The following GPI variants were observed in gnomAD, a reference collection of about 807,000 sequenced individuals.
GPI encodes D-hexose-6-phosphate anomerase.
Under a neutral mutation model 75.8 loss-of-function variants are expected in GPI, and 56 were observed. That is an observed-to-expected ratio of 0.74 (90% CI 0.60 to 0.92). The LOEUF (loss-of-function observed/expected upper bound fraction) is 0.92. Ranked by LOEUF, GPI falls within the 40% of genes least tolerant of loss-of-function variation. The pLI, the probability that GPI is intolerant of heterozygous loss-of-function variation, is 0.00. For missense variants in GPI, 638 were observed against 741.0 expected (o/e 0.86, Z 1.61); for synonymous variants, 288 against 285.4 (o/e 1.01, Z -0.09).
At chr19:34,378,337 C>T (rs1021186562) in intron 6 of GPI, among the ~76,000 whole-genome samples, 6 of 152,072 alleles carry the variant, frequency 3.9e-5, no homozygotes, top group Non-Finnish European at 7.4e-5. Flanking sequence ...TGGGACTAGG[C>T]ACACACCACC....
chr19:34,363,597 G>C (rs1006944542), upstream of GPI, among the ~76,000 whole-genome samples: 4 of 152,158 alleles, frequency 2.6e-5, no homozygotes, highest in African/African-American at 7.2e-5. Context: ...TGAGGCAGGC[G>C]GATAATGAGG....
At chr19:34,395,973 T>C (rs1352308063) in intron 12 of GPI, among the ~76,000 whole-genome samples, 1 of 151,170 alleles carries the variant, frequency 6.6e-6, no homozygotes, top group African/African-American at 2.4e-5. Flanking sequence ...AGTTTTGCTC[T>C]TGTTGCCCAG....
rs8191426 is a variant in GPI, at chr19:34,399,452, C to T, written c.1399-104C>T. 4,551 of 1,560,238 alleles carry T rather than the reference C, an allele frequency of 2.9e-3. 110 individuals carry two copies. In the African/African-American group the frequency reaches 0.054, roughly 19 times the overall value. On this transcript the variant is annotated intron_variant, in intron 15 of 17. Transcript: ENST00000356487. ...TGTCCTACAGAATGGGAGGGCCTGT[C>T]CTCACAGACCTGCACGTCTCAGCCT...
At position 34,399,926 on chromosome 19, in the gene GPI, A is replaced by G. The variant is rs143921190; in HGVS notation, c.1567A>G (p.Lys523Glu). 1 of 1,613,966 alleles carries G rather than the reference A, an allele frequency of 6.2e-7. No homozygotes were observed. The highest frequency in any genetic ancestry group is 8.5e-7 in the Non-Finnish European group (1 of 1,179,972). ...AGTGGAGCTGGGAAAGCAGCTGGCT[A>G]AGAAAATAGAGCCTGAGCTTGATGG... The part of the protein sequence containing the change: ...WGVELGKQLA[K>E]KIEPELDGSA... Residue 523 changes from lysine to glutamate, a missense_variant, in exon 18 of 18, where the codon AAG (lysine) becomes GAG (glutamate). Coordinates refer to ENST00000356487, the MANE Select transcript of GPI (RefSeq NM_000175.5).
rs1175441445 is a variant in GPI, at chr19:34,400,688, ACGC to A, written c.*653_*655del. 2.5e-6 allele frequency: 1 copy of A among 402,720 alleles called. No homozygotes were observed. The highest frequency in any genetic ancestry group is 3.5e-5 in the East Asian group (1 of 28,170). The allele number at this position is 402,720 out of a possible 1,614,324, so 24.9% of individuals were successfully genotyped here. ...AGGATGACTGCCATCTCCTGGCAAG[ACGC>A]TCAGGTAGTTCTTTTGCTTTAAAAG... On this transcript the variant is annotated 3_prime_UTR_variant, in exon 18 of 18. Coordinates refer to ENST00000356487, the MANE Select transcript of GPI (RefSeq NM_000175.5).
intron 9 of GPI, among the ~76,000 whole-genome samples, chr19:34,383,727 G>A (rs893344695): frequency 2.7e-4 from 41 of 152,200 alleles, no homozygotes; most frequent in African/African-American, 8.0e-4. Context: ...AGGCAGGCAG[G>A]TGGCATGAGG....
intron 8 of GPI, 46 bp from the exon 9 acceptor site, chr19:34,381,420 G>C: frequency 1.5e-6 from 2 of 1,315,226 alleles, no homozygotes; most frequent in Non-Finnish European, 2.2e-6. Flanking sequence ...CATCCCGCTA[G>C]CAAATGCTTC....
At chr19:34,364,056 G>T (rs1388455533), upstream of GPI, among the ~76,000 whole-genome samples, 4 of 151,942 alleles carry the variant, frequency 2.6e-5, no homozygotes, top group African/African-American at 7.3e-5. Flanking sequence ...TTAAGACAAG[G>T]TGTTGCTGTG....
At chr19:34,377,336 A>ATATATATAT (rs1157034155) in intron 4 of GPI, among the ~76,000 whole-genome samples, 167 bp from the exon 5 acceptor site, 1 of 49,338 alleles carries the variant, frequency 2.0e-5, no homozygotes, top group Non-Finnish European at 3.2e-5. Flanking sequence ...AAAAAAAAAA[A>ATATATATAT]ATATATATAT....
chr19:34,361,516 G>A (rs1358614902), upstream of GPI, among the ~76,000 whole-genome samples: 1 of 152,196 alleles, frequency 6.6e-6, no homozygotes, highest in Non-Finnish European at 1.5e-5. Flanking sequence ...AACCTGGCTG[G>A]AGTAGTGGCC....
chr19:34,365,563 C>T, intron 1 of GPI, 175 bp downstream of exon 1: 1 of 1,092,666 alleles, frequency 9.2e-7, no homozygotes, highest in African/African-American at 1.6e-5. Context: ...CCTTGGAGTG[C>T]GTTCCTGGGG....
upstream of GPI, chr19:34,365,073 A>G (rs2074333679): frequency 2.4e-5 from 35 of 1,447,536 alleles, no homozygotes; most frequent in Non-Finnish European, 3.1e-5. Flanking sequence ...AAGGTCGCTC[A>G]GCGGGCACCC....
chr19:34,390,422 G>T (rs2074804606), intron 9 of GPI, among the ~76,000 whole-genome samples: 1 of 152,118 alleles, frequency 6.6e-6, no homozygotes, highest in Non-Finnish European at 1.5e-5. Context: ...CCGGTAAGGG[G>T]CTCTGGGTCT....
At chr19:34,363,534 C>T (rs2074314810), upstream of GPI, among the ~76,000 whole-genome samples, 2 of 151,936 alleles carry the variant, frequency 1.3e-5, no homozygotes, top group African/African-American at 2.4e-5. Flanking sequence ...TCAGAACCCC[C>T]GTAGAGGCCA....
At chr19:34,365,195 C>A (rs550848083), upstream of GPI, 2,002 of 1,374,304 alleles carry the variant, frequency 1.5e-3, 3 homozygotes, top group Non-Finnish European at 1.7e-3. Context: ...CCACGCGCCT[C>A]GCTTGCTGCG....
chr19:34,378,076 C>T (rs1393474611), intron 6 of GPI, among the ~76,000 whole-genome samples, 195 bp downstream of exon 6: 3 of 152,224 alleles, frequency 2.0e-5, no homozygotes, highest in Admixed American at 2.0e-4. Flanking sequence ...TGATGAAATC[C>T]TGAACACATC....
rs765655391 is a variant in GPI, at chr19:34,396,659, T to TA, written c.1269+4dup. ...ATACGGAAGGGTCTGCATCACAAGGTAAGAGCCCCCATCTGGCCCCATCTG... is the reference window on the plus strand; with the variant it reads ...ATACGGAAGGGTCTGCATCACAAGGTAAAGAGCCCCCATCTGGCCCCATCTG... On this transcript the variant is annotated splice_region_variant and intron_variant, in intron 14 of 17. Transcript: ENST00000356487. The TA allele has an allele frequency of 2.2e-4, 352 of 1,613,644 alleles. No individual in the cohort carries two copies. Among genetic ancestry groups the TA allele is most frequent in the Middle Eastern group, 1.7e-4 (1 of 6,054 alleles).
intron 9 of GPI, among the ~76,000 whole-genome samples, chr19:34,387,317 C>G (rs150550483): frequency 6.6e-6 from 1 of 151,734 alleles, no homozygotes; most frequent in Non-Finnish European, 1.5e-5. Context: ...GTGAGTCTGC[C>G]GATGCAGGCT....
upstream of GPI, chr19:34,364,917 C>A: frequency 6.8e-7 from 1 of 1,473,702 alleles, no homozygotes; most frequent in Non-Finnish European, 9.1e-7. Flanking sequence ...GCGATGGTAG[C>A]TCTCTGCAGC....
Sources: allele counts gnomAD v4.1 joint callset (sites outside exome capture counted in the v4.1 genomes callset), GRCh38; gene constraint gnomAD v4.1.1; transcripts MANE v1.5; gene names NCBI Gene and HGNC (gene_info 2026-07-23, HGNC 2026-07-21).